The following EVI5 variants were observed in gnomAD, a reference collection of about 807,000 sequenced individuals.
EVI5 encodes the protein ecotropic viral integration site 5 protein homolog.
EVI5 carries 73 observed loss-of-function variants against 112.0 expected under a neutral mutation model. The observed-to-expected ratio is 0.65, with a 90% CI of 0.54 to 0.79. The LOEUF (loss-of-function observed/expected upper bound fraction) is 0.79. Ranked by LOEUF, EVI5 falls within the 30% of genes least tolerant of loss-of-function variation. EVI5 has a pLI of 0.00. For synonymous variants in EVI5, 305 were observed against 319.9 expected (o/e 0.95, Z 0.50); for missense variants, 900 against 968.8 (o/e 0.93, Z 0.94).
intron 18 of EVI5, among the ~76,000 whole-genome samples, chr1:92,568,379 A>G (rs1441586525): frequency 6.6e-6 from 1 of 151,882 alleles, no homozygotes; most frequent in Non-Finnish European, 1.5e-5. Context: ...ATCTTAAAAA[A>G]AAAAAAAAAG....
intron 13 of EVI5, among the ~76,000 whole-genome samples, chr1:92,657,041 G>A (rs965739911): frequency 1.6e-4 from 24 of 151,810 alleles, no homozygotes; most frequent in African/African-American, 4.6e-4. Context: ...CTATGAAGCC[G>A]GCATCACCGT....
At chr1:92,681,699 A>G (rs980455981) in intron 9 of EVI5, among the ~76,000 whole-genome samples, 12 of 152,216 alleles carry the variant, frequency 7.9e-5, no homozygotes, top group African/African-American at 2.4e-4. Context: ...GCCCATGAGG[A>G]GGACAATAAC....
intron 16 of EVI5, among the ~76,000 whole-genome samples, chr1:92,615,956 A>G (rs1357410881): frequency 6.6e-6 from 1 of 152,212 alleles, no homozygotes; most frequent in Admixed American, 6.5e-5. Context: ...GAGTTGGATC[A>G]GGCTGAATTT....
rs558619222 is a variant in EVI5 at position 92,603,494 on chromosome 1, T to C, written c.2070+1813A>G. On this transcript the variant is annotated intron_variant, in intron 18 of 19. Transcript: ENST00000684568. ...TAAAAAATGTGGTATATACATACAA[T>C]GGAATATTATTCAGCTTTAAAAATG... Among the ~76,000 whole-genome samples, 254 of 152,320 alleles carry C rather than the reference T, an allele frequency of 1.7e-3. 1 individual carries two copies. The highest frequency in any genetic ancestry group is 6.0e-3 in the African/African-American group (250 of 41,588).
chr1:92,761,925 CATATT>C (rs10583924), intron 1 of EVI5, among the ~76,000 whole-genome samples: 13,054 of 152,074 alleles, frequency 0.086, 1,564 homozygotes, highest in African/African-American at 0.27. Context: ...CAATGTCTTG[CATATT>C]ATAAGTATTA....
At chr1:92,595,733 G>C (rs543767833) in intron 18 of EVI5, among the ~76,000 whole-genome samples, 1 of 152,282 alleles carries the variant, frequency 6.6e-6, no homozygotes, top group East Asian at 1.9e-4. Flanking sequence ...AGCTAGAAAA[G>C]TAGGCAACAA....
chr1:92,757,309 C>T (rs1198611259), intron 1 of EVI5, among the ~76,000 whole-genome samples: 1 of 152,270 alleles, frequency 6.6e-6, no homozygotes, highest in East Asian at 1.9e-4. Context: ...AGATTATGGG[C>T]CTAACATTGG....
intron 16 of EVI5, among the ~76,000 whole-genome samples, chr1:92,620,111 G>A (rs931024260): frequency 1.3e-5 from 2 of 152,112 alleles, no homozygotes; most frequent in African/African-American, 2.4e-5. Context: ...TTGGGAGGCC[G>A]AGACGGGCGG....
At chr1:92,635,259 C>T (rs1278583986) in intron 14 of EVI5, among the ~76,000 whole-genome samples, 1 of 152,228 alleles carries the variant, frequency 6.6e-6, no homozygotes, top group Non-Finnish European at 1.5e-5. Flanking sequence ...TTTTGATTCG[C>T]TATGCCCTGC....
At chr1:92,584,907 C>T (rs1449287071) in intron 18 of EVI5, among the ~76,000 whole-genome samples, 1 of 152,050 alleles carries the variant, frequency 6.6e-6, no homozygotes, top group Non-Finnish European at 1.5e-5. Flanking sequence ...ATACACAGGA[C>T]TAGCTAAAGG....
intron 2 of EVI5, among the ~76,000 whole-genome samples, chr1:92,712,632 A>G (rs960238621): frequency 2.0e-5 from 3 of 152,172 alleles, no homozygotes; most frequent in African/African-American, 7.2e-5. Context: ...AATGAAAATA[A>G]TAAGAACAAA....
intron 1 of EVI5, among the ~76,000 whole-genome samples, chr1:92,770,533 G>C (rs538987731): frequency 4.7e-3 from 715 of 152,304 alleles, no homozygotes; most frequent in Non-Finnish European, 8.6e-3. Flanking sequence ...GCTCACGCCT[G>C]TAATCCCAGC....
At chr1:92,663,359 G>T in intron 12 of EVI5, 61 bp downstream of exon 12, 1 of 804,196 alleles carries the variant, frequency 1.2e-6, no homozygotes, top group Non-Finnish European at 1.9e-6. Context: ...TCGAGGTTTA[G>T]GACTTTCCTT....
At chr1:92,542,938 C>T (rs1665067182) in intron 19 of EVI5, among the ~76,000 whole-genome samples, 2 of 152,056 alleles carry the variant, frequency 1.3e-5, no homozygotes, top group African/African-American at 4.8e-5. Flanking sequence ...GTGCAGTCAT[C>T]CAGGCTTTGT....
intron 2 of EVI5, among the ~76,000 whole-genome samples, chr1:92,707,437 T>C (rs1234603502): frequency 6.6e-6 from 1 of 150,934 alleles, no homozygotes; most frequent in Non-Finnish European, 1.5e-5. Context: ...ACAGAATATA[T>C]GAACCACTCT....
At chr1:92,772,473 G>GT (rs1470710139) in intron 1 of EVI5, among the ~76,000 whole-genome samples, 1 of 151,966 alleles carries the variant, frequency 6.6e-6, no homozygotes, top group Non-Finnish European at 1.5e-5. Flanking sequence ...GCGGGTGCCT[G>GT]TAATTTCTTG....
chr1:92,712,498 A>C (rs565756372), intron 2 of EVI5, among the ~76,000 whole-genome samples: 9 of 152,334 alleles, frequency 5.9e-5, no homozygotes, highest in Middle Eastern at 3.4e-3. Context: ...TCTTAATTTC[A>C]AGAGACTATC....
At chr1:92,603,346 C>T (rs1482974939) in intron 18 of EVI5, among the ~76,000 whole-genome samples, 4 of 152,142 alleles carry the variant, frequency 2.6e-5, no homozygotes, top group African/African-American at 7.2e-5. Flanking sequence ...TCCACTTCTA[C>T]GTACTCAAAA....
chr1:92,574,041 A>T (rs577678534), intron 18 of EVI5, among the ~76,000 whole-genome samples: 1 of 152,278 alleles, frequency 6.6e-6, no homozygotes, highest in South Asian at 2.1e-4. Context: ...TAATAGTAAA[A>T]AGCTGTGTTT....
Sources: allele counts gnomAD v4.1 joint callset (sites outside exome capture counted in the v4.1 genomes callset), GRCh38; gene constraint gnomAD v4.1.1; transcripts MANE v1.5; gene names NCBI Gene and HGNC (gene_info 2026-07-23, HGNC 2026-07-21).